Variants in CR1L observed in about 807,000 individuals in gnomAD.
The protein encoded by CR1L is complement component receptor 1-like protein.
Under a neutral mutation model 62.3 loss-of-function variants are expected in CR1L, and 59 were observed. The ratio of observed to expected loss-of-function variants is 0.95; its 90% CI spans 0.77 to 1.18. CR1L has a LOEUF of 1.18. Ranked by LOEUF, CR1L falls within the 50% of genes most tolerant of loss-of-function variation. The pLI, the probability that CR1L is intolerant of heterozygous loss-of-function variation, is 0.00. For synonymous variants in CR1L, 279 were observed against 248.7 expected (o/e 1.12, Z -1.15); for missense variants, 700 against 702.8 (o/e 1.00, Z 0.04).
intron 1 of CR1L, among the ~76,000 whole-genome samples, chr1:207,651,626 G>GA (rs1188069503): frequency 6.6e-6 from 1 of 151,628 alleles, no homozygotes; most frequent in Non-Finnish European, 1.5e-5. Flanking sequence ...ATAATTTGAG[G>GA]AAGATGAGTT....
rs369543488 is a variant in CR1L, at chr1:207,692,087, C to T, written c.464-2266C>T. On this transcript the variant is annotated intron_variant, in intron 4 of 11. Transcript: ENST00000508064. ...GTTAGCCACATTTGATTGGCCAAAA[C>T]TCGGTGATTGGCATAAGAGTAACCT... 1.5e-4 allele frequency among the ~76,000 whole-genome samples: 23 copies of T among 152,308 alleles called. No individual in the cohort carries two copies. The East Asian group carries it at 3.9e-3, about 26-fold the overall frequency.
chr1:207,700,636 G>T (rs1436190846), intron 8 of CR1L, among the ~76,000 whole-genome samples: 1 of 152,138 alleles, frequency 6.6e-6, no homozygotes, highest in Admixed American at 6.5e-5. Context: ...ATTCACTGTG[G>T]CAGGGCTATT....
intron 1 of CR1L, among the ~76,000 whole-genome samples, chr1:207,665,053 A>AT (rs1270185895): frequency 6.6e-6 from 1 of 152,058 alleles, no homozygotes; most frequent in Non-Finnish European, 1.5e-5. Context: ...CGTAGTGAGC[A>AT]TTTTTTTGGT....
In CR1L at chr1:207,664,495, G is replaced by A. The variant is rs534041087; in HGVS notation, c.98-12894G>A. On this transcript the variant is annotated intron_variant, in intron 1 of 11. Coordinates refer to ENST00000508064, the MANE Select transcript of CR1L (RefSeq NM_175710.2). ...TCCTGTAGGTTTTGAGGGGCAGGAAGAGATGGTTTTTTTAGTGGACTGATA... is the reference window on the plus strand; with the variant it reads ...TCCTGTAGGTTTTGAGGGGCAGGAAAAGATGGTTTTTTTAGTGGACTGATA... Among the ~76,000 whole-genome samples the A allele has an allele frequency of 7.9e-5, 12 of 152,306 alleles. No homozygotes were observed. The South Asian group carries it at 2.3e-3, about 29-fold the overall frequency.
chr1:207,710,527 C>T (rs1422974200), intron 10 of CR1L: 1 of 1,608,962 alleles, frequency 6.2e-7, no homozygotes, highest in Admixed American at 1.7e-5. Context: ...TGGGTGAGCC[C>T]TCCATATACT....
rs779799443 is a variant in CR1L, at chr1:207,701,564, A to C, written c.1274A>C (p.His425Pro). The change falls in exon 9 of 12, where the codon CAT (histidine) becomes CCT (proline). Residue 425 changes from histidine to proline, a missense_variant. By Grantham distance (77) the His-to-Pro change is moderately conservative. Transcript: ENST00000508064. ...CCAGTTCCAGTGAATGGCATGGTGC[A>C]TGTGATCACAGACATCCATGTTGGA... ...TPPVPVNGMV[H>P]VITDIHVGSR... is the part of the protein sequence containing the mutation. 1 of 1,613,844 alleles carries C rather than the reference A, an allele frequency of 6.2e-7. No homozygotes were observed. Among genetic ancestry groups the C allele is most frequent in the Non-Finnish European group, 8.5e-7 (1 of 1,179,760 alleles).
At chr1:207,690,947 G>C (rs1371170423) in intron 4 of CR1L, among the ~76,000 whole-genome samples, 1 of 152,194 alleles carries the variant, frequency 6.6e-6, no homozygotes, top group Non-Finnish European at 1.5e-5. Context: ...CTCAACTCAA[G>C]ATCATTAATT....
At chr1:207,658,522 T>C (rs1663354718) in intron 1 of CR1L, 1 of 152,344 alleles carries the variant, frequency 6.6e-6, no homozygotes. Context: ...CTTGTCCTTT[T>C]AGAAGCTCCA....
intron 1 of CR1L, among the ~76,000 whole-genome samples, chr1:207,674,065 C>A (rs6657436): frequency 0.42 from 64,302 of 151,982 alleles, 13,816 homozygotes; most frequent in Non-Finnish European, 0.46. Context: ...ACATTTAAAA[C>A]AATCGGAGTG....
At chr1:207,670,620 C>T (rs866609468) in intron 1 of CR1L, among the ~76,000 whole-genome samples, 1 of 150,898 alleles carries the variant, frequency 6.6e-6, no homozygotes, top group Admixed American at 6.6e-5. Context: ...TGCCACTAGA[C>T]GTTTTGCATT....
rs983407647 is a variant in CR1L at position 207,699,137 on chromosome 1, A to G, written c.1143-52A>G. The G allele has an allele frequency of 5.0e-6, 8 of 1,610,216 alleles. No homozygotes were observed. In the African/African-American group the frequency reaches 6.7e-5, roughly 13 times the overall value. ...GGGCTGGGCCTTAGATTGTGAACTA[A>G]GTGTCCTCTTGGCTGAAACAGCTCG... On this transcript the variant is annotated intron_variant, in intron 7 of 11. Transcript: ENST00000508064.
At chr1:207,688,541 G>C (rs961108172) in intron 4 of CR1L, among the ~76,000 whole-genome samples, 35 of 152,142 alleles carry the variant, frequency 2.3e-4, no homozygotes, top group African/African-American at 8.2e-4. Context: ...GCATCTTCAA[G>C]ATTTACTTGG....
intron 10 of CR1L, chr1:207,710,404 C>T: frequency 6.5e-7 from 1 of 1,536,948 alleles, no homozygotes; most frequent in Non-Finnish European, 9.0e-7. Context: ...GGCTACCCCC[C>T]AACATCACCA....
chr1:207,659,643 TG>T (rs1176723052), intron 1 of CR1L, among the ~76,000 whole-genome samples: 1 of 152,214 alleles, frequency 6.6e-6, no homozygotes, highest in Non-Finnish European at 1.5e-5. Context: ...TTCATCTCAC[TG>T]GGACTGGTTG....
intron 1 of CR1L, among the ~76,000 whole-genome samples, chr1:207,659,897 C>A (rs1216735053): frequency 6.6e-6 from 1 of 152,242 alleles, no homozygotes; most frequent in Non-Finnish European, 1.5e-5. Flanking sequence ...GCCTTGCTCG[C>A]TGCTAGTGCA....
intron 10 of CR1L, among the ~76,000 whole-genome samples, chr1:207,714,767 G>A (rs151157099): frequency 6.6e-5 from 10 of 152,294 alleles, no homozygotes; most frequent in East Asian, 5.8e-4. Context: ...GGGTGGCAAA[G>A]ACTCCTCCCC....
rs2102487458 is a variant in CR1L, at chr1:207,723,625, TGATGCTCTTATAGTTGGTAA to T, written c.1652_1671del (p.Asp551ValfsTer3). 3 of 1,596,378 alleles carry T rather than the reference TGATGCTCTTATAGTTGGTAA, an allele frequency of 1.9e-6. No individual in the cohort carries two copies. Among genetic ancestry groups the T allele is most frequent in the Non-Finnish European group, 2.6e-6 (3 of 1,169,906 alleles). On this transcript the variant is annotated frameshift_variant, in exon 12 of 12. Coordinates refer to ENST00000508064, the MANE Select transcript of CR1L (RefSeq NM_175710.2). LOFTEE classifies it low-confidence loss of function (END_TRUNC). ...CTTTTGTCTTCCTTTTAGGTTCACATGATGCTCTTATAGTTGGTAAGTTTTATGAAGTGTTTGCTGAGGAA... is the reference window on the plus strand; with the variant it reads ...CTTTTGTCTTCCTTTTAGGTTCACATGTTTTATGAAGTGTTTGCTGAGGAA...
At chr1:207,707,639 A>C (rs1173824556) in intron 9 of CR1L, among the ~76,000 whole-genome samples, 1 of 152,190 alleles carries the variant, frequency 6.6e-6, no homozygotes, top group Non-Finnish European at 1.5e-5. Context: ...AAAAACAAAC[A>C]AACAAACAAA....
rs1302326571 is a variant in CR1L, at chr1:207,697,575, A to G, written c.935A>G (p.Gln312Arg). 2 of 1,613,854 alleles carry G rather than the reference A, an allele frequency of 1.2e-6. No individual in the cohort carries two copies. The highest frequency in any genetic ancestry group is 1.7e-5 in the Admixed American group (1 of 60,016). ...QRDKDNFSPG[Q>R]EVFYSCEPGY... ...GACAAGGACAACTTTTCACCCGGGC[A>G]GGAAGTGTTCTACAGCTGTGAGCCC... is the stretch of plus-strand genomic sequence containing the variant. Residue 312 changes from glutamine (Q) to arginine (R), a missense_variant, in exon 6 of 12, where the codon CAG (glutamine) becomes CGG (arginine). By Grantham distance (43) the Gln-to-Arg change is conservative (BLOSUM62 1). Coordinates refer to ENST00000508064, the MANE Select transcript of CR1L (RefSeq NM_175710.2).
Sources: gnomAD v4.1 joint callset for allele counts (sites outside exome capture counted in the v4.1 genomes callset) on GRCh38, gnomAD v4.1.1 for gene constraint, MANE v1.5 for transcripts, NCBI Gene and HGNC (gene_info 2026-07-23, HGNC 2026-07-21) for gene names.